The following ANO1 variants were observed in gnomAD, a reference collection of about 807,000 sequenced individuals.
ANO1 encodes the protein anoctamin 1.
ANO1 carries 59 observed loss-of-function variants against 124.0 expected under a neutral mutation model. The ratio of observed to expected loss-of-function variants is 0.48; its 90% CI spans 0.39 to 0.59. The LOEUF (loss-of-function observed/expected upper bound fraction) is 0.59. Among genes scored for constraint, ANO1 ranks in the 20% least tolerant of loss-of-function variants. The pLI is 0.00. For missense variants in ANO1, 1,059 were observed against 1,328.0 expected (o/e 0.80, Z 3.15); for synonymous variants, 529 against 532.0 (o/e 0.99, Z 0.08).
chr11:70,170,279 G>A (rs1191544767), intron 21 of ANO1: 7 of 396,598 alleles, frequency 1.8e-5, no homozygotes, highest in East Asian at 7.5e-5. Flanking sequence ...TTGAGCTCAC[G>A]ATGGTCCTTT....
At chr11:70,067,285 G>A (rs999129831) in intron 1 of ANO1, among the ~76,000 whole-genome samples, 3 of 149,820 alleles carry the variant, frequency 2.0e-5, no homozygotes, top group Non-Finnish European at 3.0e-5. Context: ...CCCCTCCCTC[G>A]CTGGACAGCA....
At chr11:70,187,343 C>T (rs528058435) in intron 25 of ANO1, among the ~76,000 whole-genome samples, 1 of 152,342 alleles carries the variant, frequency 6.6e-6, no homozygotes, top group Non-Finnish European at 1.5e-5. Flanking sequence ...TTCAGGGAGA[C>T]CCTGGGACGC....
intron 1 of ANO1, among the ~76,000 whole-genome samples, chr11:70,006,563 T>TTTTC (rs374548961): frequency 3.7e-4 from 41 of 109,506 alleles, no homozygotes; most frequent in African/African-American, 1.1e-3. Context: ...TCTTTCTTTC[T>TTTTC]TTTCTTTCTT....
Position 70,063,330 on chromosome 11 carries a change from C to T in ANO1, c.59-15212C>T, listed in dbSNP as rs568572481. On this transcript the variant is annotated intron_variant, in intron 1 of 27. Transcript: ENST00000531349. ...AAGATCAGGGAGAATTTCAGCTCCT[C>T]GGGCCCAGACCTGTCATCTTATCAG... Among the ~76,000 whole-genome samples, 11 of 152,276 alleles carry T rather than the reference C, an allele frequency of 7.2e-5. No homozygotes were observed. The South Asian group carries it at 1.9e-3, about 26-fold the overall frequency.
intron 2 of ANO1, among the ~76,000 whole-genome samples, chr11:70,098,641 G>A (rs554706794): frequency 6.6e-6 from 1 of 152,288 alleles, no homozygotes; most frequent in African/African-American, 2.4e-5. Context: ...AGGGCAACCC[G>A]AAAACCACCC....
At chr11:70,097,521 C>G (rs1056090466) in intron 2 of ANO1, among the ~76,000 whole-genome samples, 1 of 152,216 alleles carries the variant, frequency 6.6e-6, no homozygotes, top group Non-Finnish European at 1.5e-5. Flanking sequence ...CCATCTTGCC[C>G]GCGTGCCCTC....
At chr11:70,122,164 A>G (rs1463956759) in intron 8 of ANO1, among the ~76,000 whole-genome samples, 1 of 50,250 alleles carries the variant, frequency 2.0e-5, no homozygotes, top group African/African-American at 8.4e-5. Context: ...CTCTCTCTCC[A>G]TCTCCCCCAC....
At chr11:70,110,706 A>G (rs2045742228) in intron 6 of ANO1, among the ~76,000 whole-genome samples, 2 of 152,160 alleles carry the variant, frequency 1.3e-5, no homozygotes, top group South Asian at 4.1e-4. Flanking sequence ...TGAAAAACTT[A>G]ACGCTCTTAC....
In ANO1 at chr11:70,165,555, T is replaced by C. The variant is rs1197950441; in HGVS notation, c.2036T>C (p.Phe679Ser). ...AAACAGCTGATCCAGAACAACCTGT[T>C]CGAGATCGGCATCCCGTGAGTGTGC... ...LGKQLIQNNL[F>S]EIGIPKMKKL... The change falls in exon 20 of 26, where the codon TTC (phenylalanine) becomes TCC (serine). Residue 679 changes from phenylalanine to serine, a missense_variant. This residue lies in a region of ANO1 where 809 missense variants were observed against 1,094.9 expected (regional missense o/e 0.74). Coordinates refer to ENST00000355303, the MANE Select transcript of ANO1 (RefSeq NM_018043.7). 8 of 1,610,786 alleles carry C rather than the reference T, an allele frequency of 5.0e-6. No individual in the cohort carries two copies. In the Admixed American group the frequency reaches 1.3e-4, roughly 27 times the overall value.
chr11:69,986,510 A>G (rs1319557371), intron 1 of ANO1, among the ~76,000 whole-genome samples: 1 of 152,044 alleles, frequency 6.6e-6, no homozygotes, highest in African/African-American at 2.4e-5. Context: ...GCTGTTCCCA[A>G]TCCCGGGGGA....
chr11:69,996,990 G>A (rs1554998449), intron 1 of ANO1, among the ~76,000 whole-genome samples: 1 of 152,208 alleles, frequency 6.6e-6, no homozygotes, highest in East Asian at 1.9e-4. Flanking sequence ...AGAGTCACCA[G>A]GCCATGAGAC....
chr11:70,002,520 T>C (rs1479917983), intron 1 of ANO1, among the ~76,000 whole-genome samples: 1 of 149,368 alleles, frequency 6.7e-6, no homozygotes, highest in Non-Finnish European at 1.5e-5. Context: ...CAGTATTCAG[T>C]GCAGTAACAT....
At chr11:69,991,895 C>T (rs1856162864) in intron 1 of ANO1, among the ~76,000 whole-genome samples, 1 of 152,178 alleles carries the variant, frequency 6.6e-6, no homozygotes, top group Non-Finnish European at 1.5e-5. Context: ...GCTCTGTGTG[C>T]CAATAGTGGG....
chr11:70,060,019 T>C (rs1555007521), intron 1 of ANO1, among the ~76,000 whole-genome samples: 1 of 143,152 alleles, frequency 7.0e-6, no homozygotes, highest in Non-Finnish European at 1.5e-5. Context: ...ATAAGATCAG[T>C]AGGTTTCTGG....
At chr11:70,122,075 G>GTC (rs370051442) in intron 8 of ANO1, among the ~76,000 whole-genome samples, 1 of 66,912 alleles carries the variant, frequency 1.5e-5, no homozygotes, top group Non-Finnish European at 2.9e-5. Flanking sequence ...ATCTGCCTCT[G>GTC]TCTCTCTCTC....
At position 70,078,739 on chromosome 11, in the gene ANO1, G is replaced by C. The variant is rs748676200; in HGVS notation, c.108+25G>C. ...GGTGAGTGCGGGCGGCCGCGACCCG[G>C]GCGGGAGGGCCGCGCACCTGCGCCT... On this transcript the variant is annotated intron_variant, in intron 1 of 25. Transcript: ENST00000355303. The C allele has an allele frequency of 2.1e-6, 3 of 1,419,966 alleles. No homozygotes were observed. In the Admixed American group the frequency reaches 6.6e-5, roughly 31 times the overall value. The allele number at this position is 1,419,966 out of a possible 1,614,324, so 88.0% of individuals were successfully genotyped here. A position where few individuals can be genotyped will look rare whatever the true frequency, so the allele number is the denominator to read the frequency against.
At chr11:70,059,990 A>C (rs1857537859) in intron 1 of ANO1, among the ~76,000 whole-genome samples, 2 of 124,896 alleles carry the variant, frequency 1.6e-5, no homozygotes, top group Non-Finnish European at 1.6e-5. Context: ...TCCTCTTGGC[A>C]TAGACATTTT....
At chr11:70,026,425 AATG>A (rs1555003236) in intron 1 of ANO1, among the ~76,000 whole-genome samples, 1 of 117,590 alleles carries the variant, frequency 8.5e-6, no homozygotes, top group African/African-American at 3.3e-5. Context: ...CAACAGTAAT[AATG>A]ATGATGGTGG....
the ANO1 span, among the ~76,000 whole-genome samples, chr11:69,977,820 T>C: frequency 1.3e-5 from 2 of 152,252 alleles, no homozygotes; most frequent in African/African-American, 2.4e-5. Flanking sequence ...CTGAGCACTT[T>C]GGAGTGATCT....
Sources: allele counts gnomAD v4.1 joint callset (sites outside exome capture counted in the v4.1 genomes callset), GRCh38; gene constraint gnomAD v4.1.1; regional missense constraint gnomAD v4.1.1; transcripts MANE v1.5; gene names NCBI Gene and HGNC (gene_info 2026-07-23, HGNC 2026-07-21).